Variants in SPEG observed in about 807,000 individuals in gnomAD.
The protein encoded by SPEG is striated muscle preferentially expressed protein kinase.
In SPEG, 114 loss-of-function variants were observed where a neutral mutation model predicts 300.4. The observed-to-expected ratio is 0.38, with a 90% CI of 0.33 to 0.44. The LOEUF is 0.44. Among genes scored for constraint, SPEG ranks in the 20% least tolerant of loss-of-function variants. The pLI is 1.00. For missense variants in SPEG, 4,201 were observed against 4,586.2 expected (o/e 0.92, Z 2.43); for synonymous variants, 1,964 against 2,018.9 (o/e 0.97, Z 0.73).
Position 219,451,254 on chromosome 2 carries a change from C to A in SPEG, c.2232C>A (p.Ile744=). ...APGADVLLKC[I]ITANPPPQVS... is the part of the protein sequence containing the mutation. ...GGGCAGATGTGCTGCTCAAGTGTAT[C>A]ATCACTGCCAACCCCCCGCCCCAAG... Residue 744 remains isoleucine, a synonymous_variant, in exon 5 of 41, where the codon ATC becomes ATA. Transcript: ENST00000312358. The surrounding 1 kb of genome is among the most constrained non-coding windows in gnomAD (Gnocchi z 6.4). 1 of 1,612,612 alleles carries A rather than the reference C, an allele frequency of 6.2e-7. No individual in the cohort carries two copies. The highest frequency in any genetic ancestry group is 1.1e-5 in the South Asian group (1 of 90,956).
At chr2:219,471,585 A>C in intron 13 of SPEG, 1 of 457,896 alleles carries the variant, frequency 2.2e-6, no homozygotes, top group African/African-American at 2.0e-5. Flanking sequence ...GGCCCAGTGT[A>C]GGAGGAAGAG....
In SPEG at chr2:219,445,448, A is replaced by C. The variant is rs560571986; in HGVS notation, c.815+287A>C. The C allele has an allele frequency of 5.3e-5, 26 of 488,450 alleles. No individual in the cohort carries two copies. In the South Asian group the frequency reaches 6.2e-4, roughly 12 times the overall value. 30.3% of individuals were successfully genotyped at this position (488,450 alleles called of 1,614,324 possible). A position where few individuals can be genotyped will look rare whatever the true frequency, so the allele number is the denominator to read the frequency against. On this transcript the variant is annotated intron_variant, in intron 3 of 40. Coordinates refer to ENST00000312358, the MANE Select transcript of SPEG (RefSeq NM_005876.5). This position sits in a 1 kb window ranked among gnomAD's most constrained non-coding sequence, Gnocchi z 6.1. ...TCTCCTCCAAGATCTCCAGTTTCTC[A>C]GGGGCCCTCTTTTGCCTCACCCATT...
intron 31 of SPEG, among the ~76,000 whole-genome samples, chr2:219,486,948 G>A (rs1269531323): frequency 6.6e-6 from 1 of 152,114 alleles, no homozygotes; most frequent in Non-Finnish European, 1.5e-5. Context: ...GGGGCACACT[G>A]CCATCCTGAT....
chr2:219,440,572 T>TATTC (rs1174980975), intron 1 of SPEG, among the ~76,000 whole-genome samples: 4 of 140,838 alleles, frequency 2.8e-5, no homozygotes, highest in African/African-American at 1.2e-4. Flanking sequence ...TTTATTTATT[T>TATTC]ATTTATTTAT....
At position 219,448,474 on chromosome 2, in the gene SPEG, C is replaced by G. The variant is rs1575057382; in HGVS notation, c.1316C>G (p.Pro439Arg). Residue 439 changes from proline to arginine, a missense_variant, in exon 4 of 41, where the codon CCC becomes CGC. By Grantham distance (103) the Pro-to-Arg change is moderately radical. This residue lies in a region of SPEG where 1,258 missense variants were observed against 1,293.9 expected (regional missense o/e 0.97). Transcript: ENST00000312358. ...PLRKARSLEQ[P>R]KSERGAPWGT... Reference sequence around the variant, plus strand: ...CGCAAGGCCCGCTCTCTGGAGCAGCCCAAGTCGGAGCGCGGCGCACCGTGG... The same window carrying G: ...CGCAAGGCCCGCTCTCTGGAGCAGCGCAAGTCGGAGCGCGGCGCACCGTGG... The G allele has an allele frequency of 4.7e-6, 7 of 1,477,344 alleles. No homozygotes were observed. The highest frequency in any genetic ancestry group is 2.3e-4 in the Middle Eastern group (1 of 4,310). The allele number at this position is 1,477,344 out of a possible 1,614,324, so 91.5% of individuals were successfully genotyped here.
intron 18 of SPEG, chr2:219,474,118 C>T (rs1013646228): frequency 3.6e-5 from 19 of 523,164 alleles, no homozygotes; most frequent in Non-Finnish European, 6.3e-5. Context: ...TGGCTCACAC[C>T]TGTAATCTCA....
chr2:219,484,225 G>A lies in SPEG; in HGVS notation c.6762G>A (p.Leu2254=). ...CTCAGATCATTCAGTCCCTCCAGCT[G>A]TCAGGCCACGCCCAGGGCCCCTCGC... ...PYAQIIQSLQ[L]SGHAQGPSQG... The change falls in exon 30 of 41, where the codon CTG becomes CTA. Residue 2254 remains leucine (L), a synonymous_variant. Transcript: ENST00000312358. 6.2e-7 allele frequency: 1 copy of A among 1,612,102 alleles called. No homozygotes were observed. Among genetic ancestry groups the A allele is most frequent in the East Asian group, 2.2e-5 (1 of 44,838 alleles).
At chr2:219,472,864 G>A (rs1220817148) in intron 15 of SPEG, 26 bp from the exon 16 acceptor site, 1 of 1,547,730 alleles carries the variant, frequency 6.5e-7, no homozygotes, top group Non-Finnish European at 8.7e-7. Context: ...TGCAACAGCA[G>A]CCTCTAGTAG....
chr2:219,472,566 G>A (rs1691981119), intron 15 of SPEG, among the ~76,000 whole-genome samples: 1 of 152,180 alleles, frequency 6.6e-6, no homozygotes, highest in Non-Finnish European at 1.5e-5. Flanking sequence ...CAGAGTGGGT[G>A]CCTGGGTCAG....
rs373508427 is a variant in SPEG at position 219,489,829 on chromosome 2, G to C, written c.8811G>C (p.Glu2937Asp). Residue 2937 changes from glutamate (E) to aspartate (D), a missense_variant, in exon 36 of 41, where the codon GAG becomes GAC. By Grantham distance (45) the Glu-to-Asp change is conservative (BLOSUM62 2). Coordinates refer to ENST00000312358, the MANE Select transcript of SPEG (RefSeq NM_005876.5). ...VTVQSLSPAK[E>D]VVSSPGSSPR... ...TGCAGAGCCTCAGCCCGGCCAAGGA[G>C]GTGGTCAGCTCCCCTGGGAGCAGTC... 3.0e-5 allele frequency: 48 copies of C among 1,613,380 alleles called. No individual in the cohort carries two copies. In the Admixed American group the frequency reaches 3.3e-4, roughly 11 times the overall value.
In SPEG at chr2:219,479,984, A is replaced by G. The variant is rs764038619; in HGVS notation, c.5186A>G (p.Asp1729Gly). ...CAGCCTGAGAACCTGCTGGTGTGGG[A>G]TGGTGCTGCGGGCGAGCAGCAGGTG... Reference protein sequence around the residue: ...DVKPENLLVWDGAAGEQQVRI... With the variant: ...DVKPENLLVWGGAAGEQQVRI... The change falls in exon 25 of 41, where the codon GAT (aspartate) becomes GGT (glycine). Residue 1729 changes from aspartate to glycine, a missense_variant. Transcript: ENST00000312358. This position sits in a 1 kb window ranked among gnomAD's most constrained non-coding sequence, Gnocchi z 5.5. The G allele has an allele frequency of 1.2e-5, 19 of 1,614,078 alleles. No homozygotes were observed. The highest frequency in any genetic ancestry group is 1.6e-5 in the Non-Finnish European group (19 of 1,180,016).
In SPEG at chr2:219,485,404, G is replaced by C. The variant is rs746551537; in HGVS notation, c.7668G>C (p.Lys2556Asn). 3.1e-6 allele frequency: 5 copies of C among 1,608,616 alleles called. No homozygotes were observed. The highest frequency in any genetic ancestry group is 3.7e-4 in the Middle Eastern group (2 of 5,468). ...RWGFSRPRKD[K>N]GLSPPNLSAS... ...GCTTCTCTCGGCCGCGGAAGGACAA[G>C]GGGTTATCGCCACCAAACCTCTCTG... The change falls in exon 31 of 41, where the codon AAG becomes AAC. Residue 2556 changes from lysine (K) to asparagine (N), a missense_variant. Lys to Asn is a moderately conservative substitution (Grantham distance 94). Coordinates refer to ENST00000312358, the MANE Select transcript of SPEG (RefSeq NM_005876.5).
At chr2:219,461,710 C>A in intron 6 of SPEG, 172 bp from the exon 7 acceptor site, 1 of 828,166 alleles carries the variant, frequency 1.2e-6, no homozygotes, top group African/African-American at 1.7e-5. Context: ...GTTCCAGGGG[C>A]TCAGGGAGGG....
In SPEG at chr2:219,451,666, C is replaced by G. The variant is rs1054703919; in HGVS notation, c.2299C>G (p.Arg767Gly). 1.3e-6 allele frequency: 2 copies of G among 1,587,984 alleles called. No homozygotes were observed. The highest frequency in any genetic ancestry group is 1.7e-6 in the Non-Finnish European group (2 of 1,169,314). ...KDGSALRSEGRLLLRAEGERH... is the reference protein window; with the variant it reads ...KDGSALRSEGGLLLRAEGERH... ...TGGGTCAGCGCTGCGCAGCGAGGGCCGCCTCCTCCTCCGGGCTGAGGGTGA... is the reference window on the plus strand; with the variant it reads ...TGGGTCAGCGCTGCGCAGCGAGGGCGGCCTCCTCCTCCGGGCTGAGGGTGA... The change falls in exon 6 of 41, where the codon CGC becomes GGC. Residue 767 changes from arginine (R) to glycine (G), a missense_variant. By Grantham distance (125) the Arg-to-Gly change is moderately radical (BLOSUM62 -2). This residue lies in a region of SPEG where 1,258 missense variants were observed against 1,293.9 expected (regional missense o/e 0.97). Coordinates refer to ENST00000312358, the MANE Select transcript of SPEG (RefSeq NM_005876.5). The surrounding 1 kb of genome is among the most constrained non-coding windows in gnomAD (Gnocchi z 6.4).
At position 219,447,088 on chromosome 2, in the gene SPEG, C is replaced by A. The variant is rs375057733; in HGVS notation, c.816-886C>A. On this transcript the variant is annotated intron_variant, in intron 3 of 40. Transcript: ENST00000312358. ...GAGACCCAGCTCTTGGGCACCAAAG[C>A]TCTGTTAAGTGAAAGGGATACTCTG... 8.0e-5 allele frequency among the ~76,000 whole-genome samples: 12 copies of A among 149,476 alleles called. No individual in the cohort carries two copies. The East Asian group carries it at 1.6e-3, about 20-fold the overall frequency.
In SPEG at chr2:219,490,720, C is replaced by G. The variant is rs757296169; in HGVS notation, c.9162-13C>G. ...TGGGCCGGGTATCATCTGCTCCATCCCTGCCCTCCCAGGTTCCGGTATTCT... is the reference window on the plus strand; with the variant it reads ...TGGGCCGGGTATCATCTGCTCCATCGCTGCCCTCCCAGGTTCCGGTATTCT... On this transcript the variant is annotated splice_polypyrimidine_tract_variant and intron_variant, in intron 37 of 40. Coordinates refer to ENST00000312358, the MANE Select transcript of SPEG (RefSeq NM_005876.5). The G allele has an allele frequency of 6.2e-7, 1 of 1,613,802 alleles. No homozygotes were observed.
chr2:219,454,548 C>T (rs1031461847), intron 6 of SPEG, among the ~76,000 whole-genome samples: 2 of 152,228 alleles, frequency 1.3e-5, no homozygotes, highest in Non-Finnish European at 2.9e-5. Flanking sequence ...AGCCCTTTCA[C>T]GTCTCTTCCC....
At chr2:219,471,846 G>A in intron 13 of SPEG, 22 bp from the exon 14 acceptor site, 1 of 1,613,604 alleles carries the variant, frequency 6.2e-7, no homozygotes, top group South Asian at 1.1e-5. Context: ...CAGGCCCAGT[G>A]TCACTGTCCC....
chr2:219,483,556 C>A lies in SPEG; in HGVS notation c.6093C>A (p.Gly2031=). 2 of 1,436,720 alleles carry A rather than the reference C, an allele frequency of 1.4e-6. No homozygotes were observed. Among genetic ancestry groups the A allele is most frequent in the South Asian group, 1.5e-5 (1 of 68,380 alleles). 89.0% of individuals were successfully genotyped at this position (1,436,720 alleles called of 1,614,324 possible). Reference sequence around the variant, plus strand: ...CCGGGCCGCGGGAGCTGGGCCGGGGCCTGCACAAGGCGGCGTCTGTGGAGC... The same window carrying A: ...CCGGGCCGCGGGAGCTGGGCCGGGGACTGCACAAGGCGGCGTCTGTGGAGC... ...PRAGPRELGR[G]LHKAASVELP... Residue 2031 remains glycine (G), a synonymous_variant, in exon 30 of 41, where the codon GGC becomes GGA. Coordinates refer to ENST00000312358, the MANE Select transcript of SPEG (RefSeq NM_005876.5).
Sources: gnomAD v4.1 joint callset for allele counts (sites outside exome capture counted in the v4.1 genomes callset) on GRCh38, gnomAD v4.1.1 for gene constraint, gnomAD v4.1.1 regional missense constraint, Gnocchi (gnomAD v3.1) non-coding constraint, MANE v1.5 for transcripts, NCBI Gene and HGNC (gene_info 2026-07-23, HGNC 2026-07-21) for gene names.